DIP2C: variants seen among roughly 807,000 people sequenced by gnomAD.
DIP2C encodes the protein DIP2 acetate--CoA ligase C (putative).
A neutral mutation model predicts 192.4 loss-of-function variants in DIP2C; 33 were observed. The observed-to-expected ratio is 0.17, with a 90% CI of 0.13 to 0.23. The LOEUF (loss-of-function observed/expected upper bound fraction) is 0.23. Among genes scored for constraint, DIP2C ranks in the 10% least tolerant of loss-of-function variants. The pLI is 1.00. For missense variants in DIP2C, 1,537 were observed against 2,110.1 expected, an observed-to-expected ratio of 0.73 and a Z score of 5.32; for synonymous variants, 979 against 864.1, an observed-to-expected ratio of 1.13 and a Z score of -2.33.
At chr10:323,820 T>A (rs1347104919) in intron 31 of DIP2C, among the ~76,000 whole-genome samples, 1 of 152,176 alleles carries the variant, frequency 6.6e-6, no homozygotes, top group African/African-American at 2.4e-5. Context: ...GTCCGTACAT[T>A]TAATGTACCA....
intron 3 of DIP2C, among the ~76,000 whole-genome samples, chr10:442,624 G>C (rs1027410837): frequency 1.3e-5 from 2 of 152,156 alleles, no homozygotes; most frequent in African/African-American, 4.8e-5. Flanking sequence ...CTCACCAACT[G>C]CTCCTATCTT....
At chr10:381,340 C>T (rs1379045556) in intron 17 of DIP2C, among the ~76,000 whole-genome samples, 3 of 152,206 alleles carry the variant, frequency 2.0e-5, no homozygotes, top group Non-Finnish European at 2.9e-5. Flanking sequence ...GGGGACACTG[C>T]GGGCTGCTTC....
intron 1 of DIP2C, among the ~76,000 whole-genome samples, chr10:550,067 T>A (rs1428735150): frequency 6.7e-6 from 1 of 150,328 alleles, no homozygotes; most frequent in Admixed American, 6.7e-5. Flanking sequence ...TGGAGTGCAG[T>A]ATCACAATCT....
At chr10:343,979 G>C (rs1348118926) in intron 28 of DIP2C, among the ~76,000 whole-genome samples, 1 of 152,204 alleles carries the variant, frequency 6.6e-6, no homozygotes, top group Non-Finnish European at 1.5e-5. Context: ...GGGTCACAAA[G>C]CCAGCGGGGC....
chr10:331,184 A>G (rs1957491819), intron 29 of DIP2C, among the ~76,000 whole-genome samples: 2 of 152,164 alleles, frequency 1.3e-5, no homozygotes, highest in South Asian at 4.1e-4. Flanking sequence ...ACTATGCTAT[A>G]ATACTAAAGC....
chr10:635,651 G>A (rs1200896894), intron 1 of DIP2C, among the ~76,000 whole-genome samples: 2 of 152,232 alleles, frequency 1.3e-5, no homozygotes, highest in Admixed American at 6.5e-5. Context: ...TGGAGGAGGG[G>A]CCCAGCTGCG....
chr10:566,563 G>C (rs961934338), intron 1 of DIP2C, among the ~76,000 whole-genome samples: 3 of 152,264 alleles, frequency 2.0e-5, no homozygotes, highest in African/African-American at 7.2e-5. Context: ...CTGCTGAGGA[G>C]ACAGGTGTCA....
chr10:497,373 G>C (rs887319378), intron 1 of DIP2C, among the ~76,000 whole-genome samples: 1 of 152,174 alleles, frequency 6.6e-6, no homozygotes, highest in Admixed American at 6.5e-5. Flanking sequence ...TCAGCAGGCA[G>C]GGGAAGGAAT....
intron 1 of DIP2C, among the ~76,000 whole-genome samples, chr10:534,806 A>G (rs1408745635): frequency 1.3e-5 from 2 of 151,464 alleles, no homozygotes; most frequent in African/African-American, 4.9e-5. Flanking sequence ...CCTCCCGAGT[A>G]GCTGGGACTA....
chr10:662,817 G>T lies in DIP2C; in HGVS notation c.85+26677C>A, dbSNP rs974339291. ...AGAACCAAAACTGTGGCAGGCCTGCGATGGCTGTGGTTGAGGAAAGAGGCC... is the reference window on the plus strand; with the variant it reads ...AGAACCAAAACTGTGGCAGGCCTGCTATGGCTGTGGTTGAGGAAAGAGGCC... On this transcript the variant is annotated intron_variant, in intron 1 of 36. Transcript: ENST00000280886. 1.3e-5 allele frequency: 9 copies of T among 716,586 alleles called. No homozygotes were observed. In the African/African-American group the frequency reaches 1.6e-4, roughly 13 times the overall value. The allele number at this position is 716,586 out of a possible 1,614,324, so 44.4% of individuals were successfully genotyped here. A position where few individuals can be genotyped will look rare whatever the true frequency, so the allele number is the denominator to read the frequency against.
At chr10:474,778 A>G (rs1038681127) in intron 2 of DIP2C, among the ~76,000 whole-genome samples, 2 of 152,124 alleles carry the variant, frequency 1.3e-5, no homozygotes, top group Non-Finnish European at 2.9e-5. Flanking sequence ...ACTTTTATTC[A>G]TTGCCTTTCA....
At chr10:655,878 T>C (rs1483719209) in intron 1 of DIP2C, among the ~76,000 whole-genome samples, 1 of 150,514 alleles carries the variant, frequency 6.6e-6, no homozygotes, top group Non-Finnish European at 1.5e-5. Flanking sequence ...TATTCTATGT[T>C]ACCCTATAGA....
chr10:280,543 A>G (rs1410892792), intron 36 of DIP2C, among the ~76,000 whole-genome samples: 2 of 152,200 alleles, frequency 1.3e-5, no homozygotes, highest in African/African-American at 4.8e-5. Context: ...CCAGCATCCA[A>G]TCCACTCCCA....
intron 1 of DIP2C, among the ~76,000 whole-genome samples, chr10:582,320 C>T (rs1850720937): frequency 6.6e-6 from 1 of 152,224 alleles, no homozygotes; most frequent in Non-Finnish European, 1.5e-5. Flanking sequence ...GGATGCCATG[C>T]ACCCAACCCA....
chr10:530,254 G>A (rs1003089156), intron 1 of DIP2C, among the ~76,000 whole-genome samples: 74 of 152,328 alleles, frequency 4.9e-4, no homozygotes, highest in Non-Finnish European at 5.0e-4. Context: ...AGAGGACCAA[G>A]GGTTTTGTTC....
In DIP2C at chr10:349,327, G is replaced by T. The variant is rs754020539; in HGVS notation, c.3109+4C>A. The T allele has an allele frequency of 6.2e-7, 1 of 1,603,780 alleles. No homozygotes were observed. Among genetic ancestry groups the T allele is most frequent in the Non-Finnish European group, 8.5e-7 (1 of 1,176,758 alleles). On this transcript the variant is annotated splice_donor_region_variant and intron_variant, in intron 25 of 36. Coordinates refer to ENST00000280886, the MANE Select transcript of DIP2C (RefSeq NM_014974.3). ...CTCAGGGGAAGCCCACCCTGCGCCT[G>T]TACCTGGGGGGTAGACCAAGGCCAC...
intron 1 of DIP2C, chr10:631,344 C>T (rs1381570162): frequency 6.6e-6 from 1 of 152,250 alleles, no homozygotes; most frequent in African/African-American, 2.4e-5. Flanking sequence ...TCTGGTGTCT[C>T]GGGTGTTCCC....
At chr10:462,920 T>A (rs536891629) in intron 3 of DIP2C, among the ~76,000 whole-genome samples, 1 of 152,134 alleles carries the variant, frequency 6.6e-6, no homozygotes, top group Admixed American at 6.5e-5. Context: ...AAAAACCACA[T>A]GATTATCCCA....
intron 32 of DIP2C, among the ~76,000 whole-genome samples, chr10:304,988 TCA>T (rs1274231628): frequency 2.2e-4 from 34 of 151,408 alleles, no homozygotes; most frequent in Admixed American, 1.7e-3. Flanking sequence ...CATTTGAAAG[TCA>T]CACAACTGCA....
Sources: allele counts gnomAD v4.1 joint callset (sites outside exome capture counted in the v4.1 genomes callset), GRCh38; gene constraint gnomAD v4.1.1; transcripts MANE v1.5; gene names NCBI Gene and HGNC (gene_info 2026-07-23, HGNC 2026-07-21).